Variants in VAV3 observed in about 807,000 individuals in gnomAD.
The protein encoded by VAV3 is guanine nucleotide exchange factor VAV3.
A neutral mutation model predicts 131.2 loss-of-function variants in VAV3; 94 were observed. The ratio of observed to expected loss-of-function variants is 0.72; its 90% CI spans 0.61 to 0.85. The LOEUF (loss-of-function observed/expected upper bound fraction) is 0.85, where lower values mean the gene tolerates loss of function less well. Among genes scored for constraint, VAV3 ranks in the 40% least tolerant of loss-of-function variants. VAV3 has a pLI of 0.00. For missense variants in VAV3, 939 were observed against 1,002.7 expected (o/e 0.94, Z 0.86); for synonymous variants, 349 against 342.0 (o/e 1.02, Z -0.22).
chr1:107,693,383 T>C (rs1483122057), intron 17 of VAV3, among the ~76,000 whole-genome samples: 2 of 152,212 alleles, frequency 1.3e-5, no homozygotes, highest in Non-Finnish European at 2.9e-5. Context: ...CACATCTTTT[T>C]TTCATACTTC....
intron 18 of VAV3, among the ~76,000 whole-genome samples, chr1:107,686,136 A>C (rs1270566345): frequency 6.6e-6 from 1 of 151,994 alleles, no homozygotes; most frequent in East Asian, 1.9e-4. Flanking sequence ...CTCTAAAAAA[A>C]AAGGGATTTA....
At chr1:107,866,782 C>T (rs182110326) in intron 2 of VAV3, among the ~76,000 whole-genome samples, 204 of 126,338 alleles carry the variant, frequency 1.6e-3, no homozygotes, top group Middle Eastern at 0.012. Context: ...GAGATTGTGT[C>T]ACTGTACTCC....
At chr1:107,924,518 C>T (rs1387828072) in intron 1 of VAV3, among the ~76,000 whole-genome samples, 1 of 152,014 alleles carries the variant, frequency 6.6e-6, no homozygotes, top group African/African-American at 2.4e-5. Context: ...CTCCTGGTTA[C>T]CTCTCAACTT....
intron 19 of VAV3, among the ~76,000 whole-genome samples, chr1:107,676,389 G>A (rs1658212460): frequency 6.6e-6 from 1 of 152,188 alleles, no homozygotes; most frequent in Non-Finnish European, 1.5e-5. Flanking sequence ...ACCAGCTGTG[G>A]GGACAATGTA....
At chr1:107,941,166 C>T (rs1673972701) in intron 1 of VAV3, among the ~76,000 whole-genome samples, 1 of 152,100 alleles carries the variant, frequency 6.6e-6, no homozygotes, top group Non-Finnish European at 1.5e-5. Context: ...TGGTGGCAAC[C>T]GTAGTCCCTC....
chr1:107,597,288 T>C (rs1651476216), intron 24 of VAV3, among the ~76,000 whole-genome samples: 1 of 150,198 alleles, frequency 6.7e-6, no homozygotes, highest in Non-Finnish European at 1.5e-5. Context: ...TGCCATCAAC[T>C]TAATATCTCT....
chr1:107,958,595 AAAG>A (rs1473352775), intron 1 of VAV3, among the ~76,000 whole-genome samples: 4 of 151,664 alleles, frequency 2.6e-5, no homozygotes, highest in African/African-American at 4.9e-5. Context: ...ATCTGAACAA[AAAG>A]AAGATTTTAA....
At chr1:107,963,158 T>A (rs1375894044) in intron 1 of VAV3, among the ~76,000 whole-genome samples, 2 of 141,604 alleles carry the variant, frequency 1.4e-5, no homozygotes, top group Non-Finnish European at 3.1e-5. Flanking sequence ...CTGCTGAGAG[T>A]TCCAGGAAAC....
intron 2 of VAV3, among the ~76,000 whole-genome samples, chr1:107,818,361 T>C (rs888262572): frequency 6.6e-6 from 1 of 151,954 alleles, no homozygotes; most frequent in Non-Finnish European, 1.5e-5. Context: ...ATGCACCCAG[T>C]GCAGTTTTTT....
In VAV3 at chr1:107,874,896, A is replaced by G. The variant is rs962739605; in HGVS notation, c.321+5T>C. ...AAAGTAGTGTTAAAAATGAAGTATA[A>G]TTACCTTTCCAAAGTCACGAACATC... On this transcript the variant is annotated splice_donor_5th_base_variant and intron_variant, in intron 2 of 26. Transcript: ENST00000370056. 4.3e-6 allele frequency: 7 copies of G among 1,611,728 alleles called. No individual in the cohort carries two copies. Among genetic ancestry groups the G allele is most frequent in the Non-Finnish European group, 5.9e-6 (7 of 1,178,236 alleles).
rs890703856 is a variant in VAV3, at chr1:107,783,425, T to C, written c.322-3933A>G. ...AGGAAAGTAGTGGAAATGGGAGGAG[T>C]GTTCAGGAATAGTAGCTGATGCTCT... On this transcript the variant is annotated intron_variant, in intron 2 of 26. Coordinates refer to ENST00000370056, the MANE Select transcript of VAV3 (RefSeq NM_006113.5). Among the ~76,000 whole-genome samples, 30 of 151,400 alleles carry C rather than the reference T, an allele frequency of 2.0e-4. No homozygotes were observed. The Middle Eastern group carries it at 0.01, about 53-fold the overall frequency.
chr1:107,882,919 C>T (rs1333881482), intron 1 of VAV3, among the ~76,000 whole-genome samples: 1 of 152,072 alleles, frequency 6.6e-6, no homozygotes, highest in Non-Finnish European at 1.5e-5. Flanking sequence ...TAAATGATGA[C>T]CCTAAAGGAC....
chr1:107,718,546 C>A (rs1260179528), intron 15 of VAV3, among the ~76,000 whole-genome samples: 1 of 152,062 alleles, frequency 6.6e-6, no homozygotes, highest in African/African-American at 2.4e-5. Flanking sequence ...CACTGCTCAA[C>A]AAAATCAAAG....
chr1:107,718,584 C>G (rs1440533354), intron 15 of VAV3, among the ~76,000 whole-genome samples: 1 of 152,138 alleles, frequency 6.6e-6, no homozygotes, highest in Non-Finnish European at 1.5e-5. Context: ...AAGAACATTC[C>G]ATGCTCATGG....
At chr1:107,593,094 T>A (rs1333818330) in intron 25 of VAV3, among the ~76,000 whole-genome samples, 2 of 152,070 alleles carry the variant, frequency 1.3e-5, no homozygotes, top group Non-Finnish European at 2.9e-5. Context: ...TAAAATCCCA[T>A]CACTCTGGGA....
At chr1:107,896,695 TA>T (rs2101075584) in intron 1 of VAV3, among the ~76,000 whole-genome samples, 1 of 133,430 alleles carries the variant, frequency 7.5e-6, no homozygotes, top group South Asian at 2.5e-4. Context: ...ATTTTATATT[TA>T]AAAAGACTGG....
intron 17 of VAV3, among the ~76,000 whole-genome samples, chr1:107,690,990 T>A (rs1426633647): frequency 6.6e-6 from 1 of 152,156 alleles, no homozygotes; most frequent in Non-Finnish European, 1.5e-5. Context: ...TCTGTAAATT[T>A]TCTAAGAATA....
intron 24 of VAV3, among the ~76,000 whole-genome samples, chr1:107,599,752 ATGTTTTACACAC>A (rs1160391194): frequency 6.6e-6 from 1 of 150,998 alleles, no homozygotes; most frequent in Non-Finnish European, 1.5e-5. Flanking sequence ...GAGTTTGCTT[ATGTTTTACACAC>A]TTTCCAGATT....
At chr1:107,767,122 G>A (rs1242962718) in intron 7 of VAV3, among the ~76,000 whole-genome samples, 1 of 152,114 alleles carries the variant, frequency 6.6e-6, no homozygotes, top group Non-Finnish European at 1.5e-5. Context: ...GTGGTGTCCT[G>A]GTGCTAAGCT....
Sources: gnomAD v4.1 joint callset for allele counts (sites outside exome capture counted in the v4.1 genomes callset) on GRCh38, gnomAD v4.1.1 for gene constraint, MANE v1.5 for transcripts, NCBI Gene and HGNC (gene_info 2026-07-23, HGNC 2026-07-21) for gene names.